Variants in PCDHGA10 observed in about 807,000 individuals in gnomAD.
The protein encoded by PCDHGA10 is protocadherin gamma-A10.
PCDHGA10 carries 42 observed loss-of-function variants against 59.5 expected under a neutral mutation model. The observed-to-expected ratio is 0.71, with a 90% CI of 0.55 to 0.91. PCDHGA10 has a LOEUF of 0.91. PCDHGA10 is among the 40% of genes least tolerant of loss of function. The pLI is 0.00. For synonymous variants in PCDHGA10, 511 were observed against 517.2 expected, an observed-to-expected ratio of 0.99 and a Z score of 0.16; for missense variants, 1,111 against 1,198.2, an observed-to-expected ratio of 0.93 and a Z score of 1.07.
chr5:141,511,055 A>ATG lies in PCDHGA10; in HGVS notation c.2695_2696dup (p.Tyr900SerfsTer10). 1 of 1,614,218 alleles carries ATG rather than the reference A, an allele frequency of 6.2e-7. No individual in the cohort carries two copies. The highest frequency in any genetic ancestry group is 8.5e-7 in the Non-Finnish European group (1 of 1,180,026). On this transcript the variant is annotated frameshift_variant, in exon 4 of 4. Coordinates refer to ENST00000398610, the MANE Select transcript of PCDHGA10 (RefSeq NM_018913.3). LOFTEE classifies it high-confidence loss of function. Reference sequence around the variant, plus strand: ...CAGCACGTGCCCGACTACCGCCAGAATGTCTACATCCCAGGCAGCAATGCC... The same window carrying ATG: ...CAGCACGTGCCCGACTACCGCCAGAATGTGTCTACATCCCAGGCAGCAATGCC...
chr5:141,431,767 T>C lies in PCDHGA10; in HGVS notation c.2436+16156T>C. The C allele has an allele frequency of 1.2e-6, 2 of 1,614,224 alleles. No homozygotes were observed. Among genetic ancestry groups the C allele is most frequent in the Non-Finnish European group, 1.7e-6 (2 of 1,180,034 alleles). ...CTGCGCGAGCCAAAGTCCTGATCAC[T>C]GTTCTGGACGTGAACGACAATGCCC... On this transcript the variant is annotated intron_variant, in intron 1 of 3. Coordinates refer to ENST00000398610, the MANE Select transcript of PCDHGA10 (RefSeq NM_018913.3). This position sits in a 1 kb window ranked among gnomAD's most constrained non-coding sequence, Gnocchi z 4.8.
chr5:141,511,267 C>A lies in PCDHGA10; in HGVS notation c.*94C>A, dbSNP rs1223074819. The A allele has an allele frequency of 6.5e-7, 1 of 1,549,404 alleles. No individual in the cohort carries two copies. Among genetic ancestry groups the A allele is most frequent in the Non-Finnish European group, 8.7e-7 (1 of 1,146,836 alleles). Reference sequence around the variant, plus strand: ...CCAGGCCTCAGAGTTTCAGGGCTAACCCCCAGAATACTGGTAGGGGCCAAG... The same window carrying A: ...CCAGGCCTCAGAGTTTCAGGGCTAAACCCCAGAATACTGGTAGGGGCCAAG... On this transcript the variant is annotated 3_prime_UTR_variant, in exon 4 of 4. Coordinates refer to ENST00000398610, the MANE Select transcript of PCDHGA10 (RefSeq NM_018913.3).
chr5:141,413,446 G>A lies in PCDHGA10; in HGVS notation c.271G>A (p.Ala91Thr). Reference sequence around the variant, plus strand: ...CCCGCGCAGCGGCAGCTTGATCACCGCGGGCAGGATAGACCGGGAGGAGCT... The same window carrying A: ...CCCGCGCAGCGGCAGCTTGATCACCACGGGCAGGATAGACCGGGAGGAGCT... The part of the protein sequence containing the change: ...LNPRSGSLIT[A>T]GRIDREELCA... Residue 91 changes from alanine (A) to threonine (T), a missense_variant, in exon 1 of 4, where the codon GCG becomes ACG. Transcript: ENST00000398610. The A allele has an allele frequency of 6.2e-7, 1 of 1,614,130 alleles. No individual in the cohort carries two copies.
intron 1 of PCDHGA10, chr5:141,433,260 C>A: frequency 1.5e-6 from 2 of 1,352,308 alleles, no homozygotes; most frequent in South Asian, 1.4e-5. Flanking sequence ...GCGGTACGAT[C>A]ATAGCTCACT....
intron 1 of PCDHGA10, among the ~76,000 whole-genome samples, chr5:141,449,549 A>G (rs1431239786): frequency 6.8e-6 from 1 of 147,830 alleles, no homozygotes; most frequent in East Asian, 2.0e-4. Context: ...AGATCGCACC[A>G]CTGCACTCCA....
At position 141,432,185 on chromosome 5, in the gene PCDHGA10, G is replaced by A. The variant is rs376661062; in HGVS notation, c.2436+16574G>A. 8.1e-6 allele frequency: 13 copies of A among 1,613,956 alleles called. No individual in the cohort carries two copies. The African/African-American group carries it at 1.3e-4, about 17-fold the overall frequency. On this transcript the variant is annotated intron_variant, in intron 1 of 3. Transcript: ENST00000398610. This position sits in a 1 kb window ranked among gnomAD's most constrained non-coding sequence, Gnocchi z 6.0. ...AGGAGTTTCCCTCGTCTCTGTGACC[G>A]CCCACGACCCCGACTGTGAAGAGAA...
Position 141,491,711 on chromosome 5 carries a change from C to A in PCDHGA10, c.2437-3096C>A, listed in dbSNP as rs528931820. ...CGGGAGCGGAGCCAGGTGAGGGGCT[C>A]GGCGCCGCCCCGGGCGACCCCTGGG... On this transcript the variant is annotated intron_variant, in intron 1 of 3. Coordinates refer to ENST00000398610, the MANE Select transcript of PCDHGA10 (RefSeq NM_018913.3). The surrounding 1 kb of genome is among the most constrained non-coding windows in gnomAD (Gnocchi z 6.9). 1.3e-4 allele frequency: 217 copies of A among 1,609,356 alleles called. 3 individuals are homozygous for A. In the South Asian group the frequency reaches 2.2e-3, roughly 17 times the overall value.
rs1428628914 is a variant in PCDHGA10, at chr5:141,487,223, G to A, written c.2437-7584G>A. 1.2e-6 allele frequency: 2 copies of A among 1,614,076 alleles called. No homozygotes were observed. The highest frequency in any genetic ancestry group is 2.2e-5 in the East Asian group (1 of 44,866). The stretch of plus-strand genomic sequence containing the variant: ...TCTTCGAGAATCTTCAGCTCCAAGG[G>A]AAGGAGAATCTCGTCTAACCCTCTA... On this transcript the variant is annotated intron_variant, in intron 1 of 3. Transcript: ENST00000398610. This position sits in a 1 kb window ranked among gnomAD's most constrained non-coding sequence, Gnocchi z 5.0.
chr5:141,492,998 C>A (rs2154589328), intron 1 of PCDHGA10, among the ~76,000 whole-genome samples: 1 of 152,334 alleles, frequency 6.6e-6, no homozygotes, highest in Admixed American at 6.5e-5. Flanking sequence ...AGATGGAAAG[C>A]TATAGGCTCT....
At chr5:141,475,500 T>C (rs1393586791) in intron 1 of PCDHGA10, among the ~76,000 whole-genome samples, 1 of 152,248 alleles carries the variant, frequency 6.6e-6, no homozygotes, top group East Asian at 1.9e-4. Flanking sequence ...ACTGAAATTA[T>C]TAATGTCTCC....
rs2099883868 is a variant in PCDHGA10 at position 141,511,590 on chromosome 5, A to G, written c.*417A>G. On this transcript the variant is annotated 3_prime_UTR_variant, in exon 4 of 4. Transcript: ENST00000398610. The stretch of plus-strand genomic sequence containing the variant: ...AGTAAGGTGGTTGGGGTGTTGAAGT[A>G]CCAAGTAACCTACAAGCCTCCTAGT... 3.7e-6 allele frequency: 1 copy of G among 267,908 alleles called. No individual in the cohort carries two copies. The highest frequency in any genetic ancestry group is 7.4e-6 in the Non-Finnish European group (1 of 135,038). 16.6% of individuals were successfully genotyped at this position (267,908 alleles called of 1,614,324 possible). A position where few individuals can be genotyped will look rare whatever the true frequency, so the allele number is the denominator to read the frequency against.
rs372656276 is a variant in PCDHGA10, at chr5:141,415,107, A to C, written c.1932A>C (p.Gln644His). 12 of 1,613,634 alleles carry C rather than the reference A, an allele frequency of 7.4e-6. No homozygotes were observed. The highest frequency in any genetic ancestry group is 2.2e-5 in the East Asian group (1 of 44,876). ...RALLDRDALK[Q>H]SLVVAVQDHG... is the part of the protein sequence containing the mutation. ...TGCTGGACAGAGACGCGCTCAAGCA[A>C]AGCCTCGTAGTGGCCGTCCAGGACC... Residue 644 changes from glutamine (Q) to histidine (H), a missense_variant, in exon 1 of 4, where the codon CAA becomes CAC. Gln to His is a conservative substitution (Grantham distance 24, BLOSUM62 0). Coordinates refer to ENST00000398610, the MANE Select transcript of PCDHGA10 (RefSeq NM_018913.3).
intron 1 of PCDHGA10, among the ~76,000 whole-genome samples, chr5:141,444,462 C>T (rs1314366280): frequency 3.3e-5 from 5 of 152,002 alleles, no homozygotes; most frequent in African/African-American, 9.7e-5. Flanking sequence ...TGAGTCACTG[C>T]GCCCGGTCGC....
In PCDHGA10 at chr5:141,490,410, T is replaced by C. The variant is rs2099699827; in HGVS notation, c.2437-4397T>C. ...ATGGTGAAGTGAGCCTTGATATCTC[T>C]CCGGACCTGCCATTTCAGATTAAGC... On this transcript the variant is annotated intron_variant, in intron 1 of 3. Coordinates refer to ENST00000398610, the MANE Select transcript of PCDHGA10 (RefSeq NM_018913.3). The surrounding 1 kb of genome is among the most constrained non-coding windows in gnomAD (Gnocchi z 5.4). 1 of 1,614,172 alleles carries C rather than the reference T, an allele frequency of 6.2e-7. No individual in the cohort carries two copies. Among genetic ancestry groups the C allele is most frequent in the Non-Finnish European group, 8.5e-7 (1 of 1,180,042 alleles).
At position 141,414,131 on chromosome 5, in the gene PCDHGA10, A is replaced by G. The variant is rs977911874; in HGVS notation, c.956A>G (p.Tyr319Cys). 1.9e-6 allele frequency: 3 copies of G among 1,594,622 alleles called. No homozygotes were observed. The highest frequency in any genetic ancestry group is 2.7e-5 in the African/African-American group (2 of 74,402). ...ENLDYEETGF[Y>C]EIEIQAEDGG... is the part of the protein sequence containing the mutation. The stretch of plus-strand genomic sequence containing the variant: ...CTAGATTATGAAGAAACCGGTTTCT[A>G]TGAAATAGAAATACAAGCAGAAGAT... Residue 319 changes from tyrosine (Y) to cysteine (C), a missense_variant, in exon 1 of 4, where the codon TAT becomes TGT. Transcript: ENST00000398610.
Position 141,487,564 on chromosome 5 carries a change from G to A in PCDHGA10, c.2437-7243G>A, listed in dbSNP as rs1436847912. ...AGTCACCCAGTGCACCTATGGCAGG[G>A]GAGCCTGTTCGCCCAAGCTGCCCAC... On this transcript the variant is annotated intron_variant, in intron 1 of 3. Coordinates refer to ENST00000398610, the MANE Select transcript of PCDHGA10 (RefSeq NM_018913.3). This position sits in a 1 kb window ranked among gnomAD's most constrained non-coding sequence, Gnocchi z 5.0. 3 of 1,614,178 alleles carry A rather than the reference G, an allele frequency of 1.9e-6. No homozygotes were observed. Among genetic ancestry groups the A allele is most frequent in the Non-Finnish European group, 2.5e-6 (3 of 1,180,040 alleles).
intron 2 of PCDHGA10, among the ~76,000 whole-genome samples, chr5:141,501,420 T>C (rs1429838126): frequency 6.6e-6 from 1 of 152,006 alleles, no homozygotes; most frequent in Non-Finnish European, 1.5e-5. Context: ...AATAGTTGAC[T>C]AAATGTAGTC....
intron 3 of PCDHGA10, among the ~76,000 whole-genome samples, chr5:141,506,904 C>T (rs55892286): frequency 0.2 from 30,589 of 152,050 alleles, 3,131 homozygotes; most frequent in Middle Eastern, 0.24. Flanking sequence ...ACTGTCATCA[C>T]ACCTGGGCAC....
chr5:141,486,391 C>T lies in PCDHGA10; in HGVS notation c.2437-8416C>T. The T allele has an allele frequency of 6.2e-7, 1 of 1,614,112 alleles. No individual in the cohort carries two copies. The highest frequency in any genetic ancestry group is 8.5e-7 in the Non-Finnish European group (1 of 1,179,984). Reference sequence around the variant, plus strand: ...AGTCTGCCTTCAGGAACCAGTTCTCCCTGGTGACTGCTGGACCCTTGGATC... The same window carrying T: ...AGTCTGCCTTCAGGAACCAGTTCTCTCTGGTGACTGCTGGACCCTTGGATC... On this transcript the variant is annotated intron_variant, in intron 1 of 3. Transcript: ENST00000398610. The surrounding 1 kb of genome is among the most constrained non-coding windows in gnomAD (Gnocchi z 5.0).
Sources: gnomAD v4.1 joint callset for allele counts (sites outside exome capture counted in the v4.1 genomes callset) on GRCh38, gnomAD v4.1.1 for gene constraint, Gnocchi (gnomAD v3.1) non-coding constraint, MANE v1.5 for transcripts, NCBI Gene and HGNC (gene_info 2026-07-23, HGNC 2026-07-21) for gene names.